HECW2: variants seen among roughly 807,000 people sequenced by gnomAD.
HECW2 encodes the protein E3 ubiquitin-protein ligase HECW2.
In HECW2, 61 loss-of-function variants were observed where a neutral mutation model predicts 175.2. That is an observed-to-expected ratio of 0.35 (90% CI 0.28 to 0.43). The LOEUF (loss-of-function observed/expected upper bound fraction) is 0.43. Among genes scored for constraint, HECW2 ranks in the 20% least tolerant of loss-of-function variants. The probability of loss-of-function intolerance (pLI) is 1.00; values close to 1 mark genes in which losing one functional copy is unlikely to be tolerated. For synonymous variants in HECW2, 671 were observed against 731.0 expected, an observed-to-expected ratio of 0.92 and a Z score of 1.32; for missense variants, 1,524 against 2,000.5, an observed-to-expected ratio of 0.76 and a Z score of 4.54.
At chr2:196,261,147 C>A (rs1183568348) in intron 17 of HECW2, among the ~76,000 whole-genome samples, 1 of 152,042 alleles carries the variant, frequency 6.6e-6, no homozygotes, top group Non-Finnish European at 1.5e-5. Context: ...ACGCACACTT[C>A]GCTTAGCAAT....
At chr2:196,327,684 A>G (rs544218598) in intron 5 of HECW2, among the ~76,000 whole-genome samples, 28 of 152,328 alleles carry the variant, frequency 1.8e-4, no homozygotes, top group African/African-American at 5.8e-4. Flanking sequence ...TTTTAGAATT[A>G]ACATTATAGA....
At chr2:196,568,775 C>G (rs892438311) in intron 1 of HECW2, among the ~76,000 whole-genome samples, 1 of 152,158 alleles carries the variant, frequency 6.6e-6, no homozygotes, top group African/African-American at 2.4e-5. Context: ...TTGAAGAGCA[C>G]TACGCCCACT....
Position 196,568,167 on chromosome 2 carries a change from T to C in HECW2, c.-36+25341A>G, listed in dbSNP as rs150703366. 2.8e-3 allele frequency among the ~76,000 whole-genome samples: 419 copies of C among 152,352 alleles called. 3 individuals are homozygous for C. Among genetic ancestry groups the C allele is most frequent in the African/African-American group, 9.3e-3 (386 of 41,592 alleles). ...TAAAACCTCATAACATGAAGTTGTG[T>C]GTCTGTTTCTTTTTAAAAATTTGGG... On this transcript the variant is annotated intron_variant, in intron 1 of 28. Transcript: ENST00000644978.
At chr2:196,412,094 C>G (rs1695128103) in intron 2 of HECW2, among the ~76,000 whole-genome samples, 1 of 152,186 alleles carries the variant, frequency 6.6e-6, no homozygotes, top group Non-Finnish European at 1.5e-5. Flanking sequence ...TTTATGTTCC[C>G]AGTATTTATG....
At chr2:196,477,643 T>C (rs577236761) in intron 1 of HECW2, among the ~76,000 whole-genome samples, 1 of 152,330 alleles carries the variant, frequency 6.6e-6, no homozygotes, top group South Asian at 2.1e-4. Context: ...ATATTTCTTT[T>C]ACATGAAATC....
At chr2:196,513,977 A>G (rs1458063331) in intron 1 of HECW2, among the ~76,000 whole-genome samples, 2 of 152,078 alleles carry the variant, frequency 1.3e-5, no homozygotes, top group Non-Finnish European at 2.9e-5. Context: ...GGGGCTGCCC[A>G]CTCCAGAGCC....
At chr2:196,375,433 T>C (rs544131740) in intron 2 of HECW2, among the ~76,000 whole-genome samples, 5 of 152,362 alleles carry the variant, frequency 3.3e-5, no homozygotes, top group Admixed American at 1.3e-4. Context: ...TGATCACAGA[T>C]ATTTCCAGTT....
chr2:196,301,722 ATTGTT>A (rs765614488), intron 13 of HECW2, among the ~76,000 whole-genome samples: 7 of 117,386 alleles, frequency 6.0e-5, no homozygotes, highest in African/African-American at 2.4e-4. Flanking sequence ...TTTTAATGGG[ATTGTT>A]TTTTTTTTTT....
chr2:196,244,840 T>C (rs1362842605), intron 19 of HECW2, among the ~76,000 whole-genome samples: 3 of 152,170 alleles, frequency 2.0e-5, no homozygotes, highest in Non-Finnish European at 4.4e-5. Context: ...ATGAAATTGA[T>C]CAGAAGGGTT....
chr2:196,281,835 A>G (rs1284745080), intron 14 of HECW2, among the ~76,000 whole-genome samples: 1 of 152,046 alleles, frequency 6.6e-6, no homozygotes, highest in East Asian at 1.9e-4. Context: ...GAATTTGGAA[A>G]AAGACAAGCC....
chr2:196,209,967 G>A (rs1687214108), intron 28 of HECW2, among the ~76,000 whole-genome samples: 1 of 152,076 alleles, frequency 6.6e-6, no homozygotes, highest in Non-Finnish European at 1.5e-5. Context: ...GTTTCACCAT[G>A]TTAGCCAGGA....
intron 2 of HECW2, among the ~76,000 whole-genome samples, chr2:196,417,903 T>C (rs1559098695): frequency 6.6e-6 from 1 of 152,168 alleles, no homozygotes; most frequent in South Asian, 2.1e-4. Context: ...TGCCACAGAC[T>C]TACACTTAAA....
At chr2:196,420,859 G>C (rs1421332028) in intron 2 of HECW2, among the ~76,000 whole-genome samples, 1 of 151,998 alleles carries the variant, frequency 6.6e-6, no homozygotes, top group East Asian at 1.9e-4. Flanking sequence ...AATAATAATA[G>C]TAATGACTAA....
chr2:196,308,989 A>C (rs185740793), intron 10 of HECW2, among the ~76,000 whole-genome samples: 1 of 152,368 alleles, frequency 6.6e-6, no homozygotes, highest in Admixed American at 6.5e-5. Flanking sequence ...TTTTTGTGTA[A>C]GTTATTTTTT....
At chr2:196,292,295 G>A in intron 14 of HECW2, 1 of 380,502 alleles carries the variant, frequency 2.6e-6, no homozygotes, top group Non-Finnish European at 4.8e-6. Flanking sequence ...GCAGAGCATA[G>A]AGAGAGATGA....
Position 196,377,982 on chromosome 2 carries a change from T to A in HECW2, c.293-34218A>T, listed in dbSNP as rs370194798. The stretch of plus-strand genomic sequence containing the variant: ...GTCTCACAAAGCATTTCTGCAATTA[T>A]TTTAAAAACAAGTTCCACTGTTAAA... On this transcript the variant is annotated intron_variant, in intron 2 of 28. Coordinates refer to ENST00000644978, the MANE Select transcript of HECW2 (RefSeq NM_001348768.2). Among the ~76,000 whole-genome samples the A allele has an allele frequency of 8.5e-5, 13 of 152,376 alleles. No homozygotes were observed. In the East Asian group the frequency reaches 2.5e-3, roughly 29 times the overall value.
At chr2:196,457,436 G>T (rs769228592) in intron 1 of HECW2, among the ~76,000 whole-genome samples, 9 of 152,174 alleles carry the variant, frequency 5.9e-5, no homozygotes, top group Non-Finnish European at 1.2e-4. Context: ...TATACTCCAA[G>T]CATGTTGTTC....
rs1447702156 is a variant in HECW2, at chr2:196,320,430, C to T, written c.894G>A (p.Met298Ile). The change falls in exon 8 of 29, where the codon ATG (methionine) becomes ATA (isoleucine). Residue 298 changes from methionine to isoleucine, a missense_variant. By Grantham distance (10) the Met-to-Ile change is conservative. Coordinates refer to ENST00000644978, the MANE Select transcript of HECW2 (RefSeq NM_001348768.2). ...GCCTTCTGCCAAGGTTGTAGCTGAG[C>T]ATTTGATCACTGCAAGAAGAGAAAT... ...LLERQAIGDQ[M>I]LSYNLGRRLP... 2.5e-6 allele frequency: 4 copies of T among 1,608,500 alleles called. No individual in the cohort carries two copies. The highest frequency in any genetic ancestry group is 3.4e-6 in the Non-Finnish European group (4 of 1,175,436).
rs192518892 is a variant in HECW2 at position 196,414,804 on chromosome 2, A to G, written c.292+18328T>C. Among the ~76,000 whole-genome samples the G allele has an allele frequency of 5.7e-3, 860 of 151,642 alleles. 1 individual carries two copies. Among genetic ancestry groups the G allele is most frequent in the Non-Finnish European group, 9.4e-3 (641 of 67,888 alleles). ...AGAATCATGTGTTCTTGCCCCAACAACTCAAACCGTGCAGGTTATTGTCAG... is the reference window on the plus strand; with the variant it reads ...AGAATCATGTGTTCTTGCCCCAACAGCTCAAACCGTGCAGGTTATTGTCAG... On this transcript the variant is annotated intron_variant, in intron 2 of 28. Coordinates refer to ENST00000644978, the MANE Select transcript of HECW2 (RefSeq NM_001348768.2).
Sources: allele counts gnomAD v4.1 joint callset (sites outside exome capture counted in the v4.1 genomes callset), GRCh38; gene constraint gnomAD v4.1.1; transcripts MANE v1.5; gene names NCBI Gene and HGNC (gene_info 2026-07-23, HGNC 2026-07-21).